CUX1: variants seen among roughly 807,000 people sequenced by gnomAD.
The protein encoded by CUX1 is protein CASP.
In CUX1, 31 loss-of-function variants were observed where a neutral mutation model predicts 158.8. The observed-to-expected ratio is 0.20, with a 90% CI of 0.15 to 0.26. The LOEUF (loss-of-function observed/expected upper bound fraction) is 0.26. CUX1 is among the 10% of genes least tolerant of loss of function. The pLI, the probability that CUX1 is intolerant of heterozygous loss-of-function variation, is 1.00. For synonymous variants in CUX1, 879 were observed against 862.1 expected (o/e 1.02, Z -0.34); for missense variants, 1,589 against 2,014.6 (o/e 0.79, Z 4.04).
At position 101,975,271 on chromosome 7, in the gene CUX1, A is replaced by G. The variant is rs533068067; in HGVS notation, c.142-52827A>G. ...GTCTCAAAAGGAAAAAAAAAGAGAG[A>G]GAGAGAGAGAAAAGAAAAGGCTCAC... On this transcript the variant is annotated intron_variant, in intron 2 of 23. Coordinates refer to ENST00000292535, the MANE Select transcript of CUX1 (RefSeq NM_181552.4). Among the ~76,000 whole-genome samples the G allele has an allele frequency of 1.1e-3, 167 of 151,566 alleles. 1 individual carries two copies. The highest frequency in any genetic ancestry group is 1.3e-3 in the Non-Finnish European group (87 of 67,874).
At chr7:101,959,274 T>TGTGTGC (rs1491298248) in intron 2 of CUX1, 1 of 141,750 alleles carries the variant, frequency 7.1e-6, no homozygotes, top group East Asian at 2.0e-4. Context: ...TGTGTGTGTG[T>TGTGTGC]GCAAGAGAGC....
In CUX1 at chr7:102,257,237, G is replaced by A. The variant is rs1212102960; in HGVS notation, c.*8195G>A. The A allele has an allele frequency of 1.0e-6, 1 of 985,094 alleles. No homozygotes were observed. The highest frequency in any genetic ancestry group is 1.2e-6 in the Non-Finnish European group (1 of 829,908). 61.0% of individuals were successfully genotyped at this position (985,094 alleles called of 1,614,324 possible). A position where few individuals can be genotyped will look rare whatever the true frequency, so the allele number is the denominator to read the frequency against. Reference sequence around the variant, plus strand: ...CCTCCCCTTCTCCAAGATTGCCGGGGGCCCTGATTTTGTTCTCTCTTTGAA... The same window carrying A: ...CCTCCCCTTCTCCAAGATTGCCGGGAGCCCTGATTTTGTTCTCTCTTTGAA... On this transcript the variant is annotated 3_prime_UTR_variant, in exon 24 of 24. Coordinates refer to ENST00000292535, the MANE Select transcript of CUX1 (RefSeq NM_181552.4).
At chr7:101,976,416 T>C (rs901529020) in intron 2 of CUX1, among the ~76,000 whole-genome samples, 1 of 152,204 alleles carries the variant, frequency 6.6e-6, no homozygotes, top group Non-Finnish European at 1.5e-5. Flanking sequence ...TTAAAAATCA[T>C]TTTTGAGCGA....
At chr7:102,126,701 C>T (rs1295744744) in intron 8 of CUX1, among the ~76,000 whole-genome samples, 1 of 152,176 alleles carries the variant, frequency 6.6e-6, no homozygotes, top group Non-Finnish European at 1.5e-5. Flanking sequence ...ACCTTGTTGG[C>T]AACAGGGACC....
chr7:102,130,809 G>A (rs969308298), intron 8 of CUX1, among the ~76,000 whole-genome samples: 1 of 152,064 alleles, frequency 6.6e-6, no homozygotes, highest in Non-Finnish European at 1.5e-5. Flanking sequence ...TAAGTTGGAC[G>A]ATGTGTGCTT....
chr7:102,175,643 T>A lies in CUX1; in HGVS notation c.829-2826T>A, dbSNP rs567768597. 2.7e-3 allele frequency among the ~76,000 whole-genome samples: 409 copies of A among 152,036 alleles called. 1 individual carries two copies. Among genetic ancestry groups the A allele is most frequent in the African/African-American group, 9.1e-3 (377 of 41,470 alleles). On this transcript the variant is annotated intron_variant, in intron 10 of 23. Transcript: ENST00000292535. Reference sequence around the variant, plus strand: ...ACCCTGAGATGGAGCCCCCTTTCCTTCCGACAAGGTCCCGCCAGCCCTCCC... The same window carrying A: ...ACCCTGAGATGGAGCCCCCTTTCCTACCGACAAGGTCCCGCCAGCCCTCCC...
intron 2 of CUX1, among the ~76,000 whole-genome samples, chr7:101,945,765 G>A (rs980753110): frequency 2.6e-5 from 4 of 152,184 alleles, no homozygotes; most frequent in Non-Finnish European, 5.9e-5. Flanking sequence ...GGTTCAGGGA[G>A]CCAGACGTGT....
intron 1 of CUX1, among the ~76,000 whole-genome samples, chr7:101,914,927 G>A (rs887415837): frequency 9.2e-5 from 14 of 152,294 alleles, no homozygotes; most frequent in African/African-American, 3.1e-4. Context: ...CTTCCGCCAA[G>A]GAGGAAAGCC....
intron 1 of CUX1, among the ~76,000 whole-genome samples, chr7:101,914,067 T>G (rs1046355705): frequency 1.3e-5 from 2 of 152,034 alleles, no homozygotes; most frequent in East Asian, 1.9e-4. Context: ...TTTTTTTTTT[T>G]CCCTGCCTTC....
Position 102,104,390 on chromosome 7 carries a change from A to G in CUX1, c.461A>G (p.Lys154Arg). 1 of 1,612,826 alleles carries G rather than the reference A, an allele frequency of 6.2e-7. No individual in the cohort carries two copies. The highest frequency in any genetic ancestry group is 8.5e-7 in the Non-Finnish European group (1 of 1,179,854). ...EKIREYEQTL[K>R]NQAETIALEK... ...ATCCGAGAATATGAACAGACACTGAAGAACCAAGCCGAAACCATAGCTCTT... is the reference window on the plus strand; with the variant it reads ...ATCCGAGAATATGAACAGACACTGAGGAACCAAGCCGAAACCATAGCTCTT... Residue 154 changes from lysine to arginine, a missense_variant, in exon 6 of 24, where the codon AAG becomes AGG. By Grantham distance (26) the Lys-to-Arg change is conservative. Coordinates refer to ENST00000292535, the MANE Select transcript of CUX1 (RefSeq NM_181552.4).
intron 20 of CUX1, 67 bp from the exon 21 acceptor site, chr7:102,227,300 G>A (rs1437465981): frequency 2.9e-6 from 4 of 1,372,948 alleles, no homozygotes; most frequent in Non-Finnish European, 4.1e-6. Flanking sequence ...CCTAGATAAG[G>A]AACGTAGATG....
Position 102,197,036 on chromosome 7 carries a change from C to T in CUX1, c.1625C>T (p.Ala542Val). 6.2e-7 allele frequency: 1 copy of T among 1,614,224 alleles called. No homozygotes were observed. The change falls in exon 15 of 24, where the codon GCT (alanine) becomes GTT (valine). Residue 542 changes from alanine (A) to valine (V), a missense_variant. By Grantham distance (64) the Ala-to-Val change is moderately conservative. Transcript: ENST00000292535. The stretch of plus-strand genomic sequence containing the variant: ...CCATCCCCCAGCCAGTCAGAAAGTG[C>T]TGGGAGCGTCTCCGAGGGCGAGGAG... ...MAPSPSQSES[A>V]GSVSEGEEMD...
At chr7:101,941,718 G>A (rs1456181344) in intron 2 of CUX1, among the ~76,000 whole-genome samples, 1 of 152,188 alleles carries the variant, frequency 6.6e-6, no homozygotes, top group African/African-American at 2.4e-5. Flanking sequence ...TCACAGATCA[G>A]GAGCGAAGGC....
intron 8 of CUX1, among the ~76,000 whole-genome samples, chr7:102,157,980 G>A (rs556904498): frequency 1.2e-4 from 19 of 152,250 alleles, no homozygotes; most frequent in African/African-American, 4.6e-4. Flanking sequence ...AGCCTGTACA[G>A]TCCCCCAACC....
intron 22 of CUX1, among the ~76,000 whole-genome samples, chr7:102,236,464 T>G (rs1554532896): frequency 6.6e-6 from 1 of 152,218 alleles, no homozygotes; most frequent in Non-Finnish European, 1.5e-5. Context: ...TTTTGTTTTT[T>G]AAAGTCTCGC....
chr7:102,195,532 T>G lies in CUX1; in HGVS notation c.1151T>G (p.Leu384Arg), dbSNP rs1554518016. ...TQDAAKPLEV[L>R]LLEKNRSLQS... ...GATGCGGCCAAGCCCCTGGAGGTGC[T>G]GTTGCTGGAGAAGAACCGCTCGCTG... Residue 384 changes from leucine (L) to arginine (R), a missense_variant, in exon 14 of 24, where the codon CTG (leucine) becomes CGG (arginine). This residue lies in a region of CUX1 where 515 missense variants were observed against 574.4 expected (regional missense o/e 0.90). Transcript: ENST00000292535. The G allele has an allele frequency of 3.7e-6, 6 of 1,612,822 alleles. No homozygotes were observed. Among genetic ancestry groups the G allele is most frequent in the Non-Finnish European group, 5.1e-6 (6 of 1,179,836 alleles).
intron 8 of CUX1, among the ~76,000 whole-genome samples, chr7:102,141,353 G>A (rs911475160): frequency 3.9e-5 from 6 of 152,112 alleles, no homozygotes; most frequent in Non-Finnish European, 8.8e-5. Flanking sequence ...GCAATTAAGC[G>A]GGGAGGGAAT....
chr7:102,064,203 A>G (rs1353463417), intron 3 of CUX1, among the ~76,000 whole-genome samples: 1 of 151,782 alleles, frequency 6.6e-6, no homozygotes, highest in East Asian at 1.9e-4. Context: ...GCTTCTTCCA[A>G]ATAGTTTTGT....
chr7:101,973,077 G>A (rs1343195290), intron 2 of CUX1, among the ~76,000 whole-genome samples: 3 of 152,116 alleles, frequency 2.0e-5, no homozygotes, highest in South Asian at 2.1e-4. Context: ...GCACCTTCTC[G>A]TACATTTCAG....
Sources: gnomAD v4.1 joint callset for allele counts (sites outside exome capture counted in the v4.1 genomes callset) on GRCh38, gnomAD v4.1.1 for gene constraint, gnomAD v4.1.1 regional missense constraint, MANE v1.5 for transcripts, NCBI Gene and HGNC (gene_info 2026-07-23, HGNC 2026-07-21) for gene names.